The following MAGI2 variants were observed in gnomAD, a reference collection of about 807,000 sequenced individuals.
The protein encoded by MAGI2 is membrane-associated guanylate kinase, WW and PDZ domain-containing protein 2.
MAGI2 carries 35 observed loss-of-function variants against 133.3 expected under a neutral mutation model. The observed-to-expected ratio is 0.26, with a 90% confidence interval of 0.20 to 0.35. The LOEUF (loss-of-function observed/expected upper bound fraction) is 0.35, where lower values mean the gene tolerates loss of function less well. Ranked by LOEUF, MAGI2 falls within the 10% of genes least tolerant of loss-of-function variation. MAGI2 has a pLI of 1.00. For missense variants in MAGI2, 1,636 were observed against 1,863.4 expected (o/e 0.88, Z 2.25); for synonymous variants, 729 against 710.6 (o/e 1.03, Z -0.41).
At chr7:78,349,301 A>G (rs541816742) in intron 7 of MAGI2, among the ~76,000 whole-genome samples, 12 of 152,326 alleles carry the variant, frequency 7.9e-5, no homozygotes, top group Middle Eastern at 3.4e-3. Context: ...ATTTTCAAAC[A>G]TATGTCAATA....
intron 2 of MAGI2, among the ~76,000 whole-genome samples, chr7:78,943,326 A>T (rs780437443): frequency 6.6e-6 from 1 of 152,172 alleles, no homozygotes; most frequent in Non-Finnish European, 1.5e-5. Flanking sequence ...TTTGGCAAAA[A>T]GCTTTACTCT....
chr7:79,027,802 G>A (rs1176433396), intron 1 of MAGI2, among the ~76,000 whole-genome samples: 58 of 151,932 alleles, frequency 3.8e-4, no homozygotes. Context: ...AGAATTATAA[G>A]TTGTCAATAT....
chr7:78,240,155 C>T (rs2150903940), intron 10 of MAGI2, among the ~76,000 whole-genome samples: 1 of 152,266 alleles, frequency 6.6e-6, no homozygotes, highest in South Asian at 2.1e-4. Flanking sequence ...CCTGATAGGC[C>T]CCAGTGTGTG....
At chr7:78,472,682 G>A (rs757416672) in intron 6 of MAGI2, among the ~76,000 whole-genome samples, 2 of 152,122 alleles carry the variant, frequency 1.3e-5, no homozygotes, top group African/African-American at 2.4e-5. Flanking sequence ...TATAAACCCA[G>A]TGGAATGTTG....
intron 1 of MAGI2, among the ~76,000 whole-genome samples, chr7:79,308,857 G>A (rs185413637): frequency 1.5e-3 from 235 of 152,118 alleles, no homozygotes; most frequent in African/African-American, 5.4e-3. Context: ...GAAAATAGTA[G>A]AAACAGCAAT....
rs147332998 is a variant in MAGI2 at position 79,229,276 on chromosome 7, T to C, written c.302-222070A>G. Among the ~76,000 whole-genome samples the C allele has an allele frequency of 4.9e-4, 75 of 152,328 alleles. 1 individual carries two copies. The highest frequency in any genetic ancestry group is 1.7e-3 in the African/African-American group (69 of 41,570). ...CATATCTTTGAAGTTCAGAACATTA[T>C]TGTTTTTTTCTACCTCCCCTGGGCC... On this transcript the variant is annotated intron_variant, in intron 1 of 21. Coordinates refer to ENST00000354212, the MANE Select transcript of MAGI2 (RefSeq NM_012301.4).
chr7:79,232,431 T>A (rs1372269063), intron 1 of MAGI2, among the ~76,000 whole-genome samples: 1 of 146,480 alleles, frequency 6.8e-6, no homozygotes, highest in Non-Finnish European at 1.5e-5. Context: ...CCTGGACTCT[T>A]TTTGGTTGGT....
chr7:78,195,136 T>A (rs1053962090), intron 11 of MAGI2, 73 bp from the exon 12 acceptor site: 89 of 1,300,354 alleles, frequency 6.8e-5, no homozygotes, highest in Non-Finnish European at 1.1e-5. Flanking sequence ...ACCTTTAGGT[T>A]AACCTTTTTT....
chr7:78,632,408 C>T (rs1186228063), intron 2 of MAGI2, among the ~76,000 whole-genome samples: 1 of 152,140 alleles, frequency 6.6e-6, no homozygotes. Flanking sequence ...AGAAAAAGAC[C>T]TGAAGGGGAG....
chr7:79,041,072 T>A (rs1399066580), intron 1 of MAGI2, among the ~76,000 whole-genome samples: 1 of 152,176 alleles, frequency 6.6e-6, no homozygotes, highest in Non-Finnish European at 1.5e-5. Context: ...ATTCTACACA[T>A]GTATCAAAAT....
chr7:79,114,107 T>C (rs1819180375), intron 1 of MAGI2, among the ~76,000 whole-genome samples: 1 of 152,200 alleles, frequency 6.6e-6, no homozygotes, highest in Admixed American at 6.5e-5. Flanking sequence ...CTAGATTTCC[T>C]ACTTCAGTAA....
intron 9 of MAGI2, among the ~76,000 whole-genome samples, chr7:78,313,220 G>A (rs1170057429): frequency 6.6e-6 from 1 of 151,976 alleles, no homozygotes; most frequent in Non-Finnish European, 1.5e-5. Flanking sequence ...TGTGGTGAAG[G>A]ATGACAAATT....
At chr7:78,704,897 C>T (rs1818476369) in intron 2 of MAGI2, among the ~76,000 whole-genome samples, 1 of 148,850 alleles carries the variant, frequency 6.7e-6, no homozygotes, top group Admixed American at 6.8e-5. Context: ...TGAACAAATA[C>T]AGGAACAGAA....
intron 2 of MAGI2, among the ~76,000 whole-genome samples, chr7:78,713,084 C>T (rs1482862240): frequency 6.6e-6 from 1 of 151,968 alleles, no homozygotes; most frequent in Non-Finnish European, 1.5e-5. Flanking sequence ...AAAAAATATG[C>T]TTTTGGAAAT....
At chr7:78,550,541 A>T (rs1799245176) in intron 3 of MAGI2, among the ~76,000 whole-genome samples, 1 of 152,248 alleles carries the variant, frequency 6.6e-6, no homozygotes, top group Admixed American at 6.5e-5. Context: ...TAAGCCAGAC[A>T]GATAGAAGAC....
intron 9 of MAGI2, among the ~76,000 whole-genome samples, chr7:78,261,545 T>C (rs775100545): frequency 1.3e-5 from 2 of 152,140 alleles, no homozygotes; most frequent in Non-Finnish European, 2.9e-5. Context: ...ATATTTAGGA[T>C]AGATTCTCAC....
intron 1 of MAGI2, among the ~76,000 whole-genome samples, chr7:79,399,964 A>G (rs1845355051): frequency 6.6e-6 from 1 of 152,226 alleles, no homozygotes; most frequent in African/African-American, 2.4e-5. Context: ...TTTTAGTCGC[A>G]TATATTTGAT....
At chr7:78,878,143 A>T (rs758626497) in intron 2 of MAGI2, among the ~76,000 whole-genome samples, 1 of 152,196 alleles carries the variant, frequency 6.6e-6, no homozygotes, top group African/African-American at 2.4e-5. Flanking sequence ...ACCACATTAC[A>T]TCTGTTACAG....
chr7:79,359,194 A>T (rs1436580110), intron 1 of MAGI2, among the ~76,000 whole-genome samples: 4 of 152,188 alleles, frequency 2.6e-5, no homozygotes, highest in Non-Finnish European at 4.4e-5. Context: ...AAATACAATA[A>T]CAGAAATATA....
Sources: allele counts gnomAD v4.1 joint callset (sites outside exome capture counted in the v4.1 genomes callset), GRCh38; gene constraint gnomAD v4.1.1; transcripts MANE v1.5; gene names NCBI Gene and HGNC (gene_info 2026-07-23, HGNC 2026-07-21).